Variants in LPA observed in about 807,000 individuals in gnomAD.
The protein encoded by LPA is apolipoprotein(a).
Under a neutral mutation model 197.9 loss-of-function variants are expected in LPA, and 199 were observed. That is an observed-to-expected ratio of 1.01 (90% confidence interval 0.90 to 1.13). The LOEUF (loss-of-function observed/expected upper bound fraction) is 1.13. Among genes scored for constraint, LPA ranks in the 50% most tolerant of loss-of-function variants. The pLI, the probability that LPA is intolerant of heterozygous loss-of-function variation, is 0.00. For missense variants in LPA, 1,853 were observed against 1,785.8 expected (o/e 1.04, Z -0.68); for synonymous variants, 715 against 639.5 (o/e 1.12, Z -1.78).
At position 160,542,728 on chromosome 6, in the gene LPA, G is replaced by A. The variant is rs1446383504; in HGVS notation, c.5479C>T (p.His1827Tyr). 8.1e-6 allele frequency: 13 copies of A among 1,613,890 alleles called. No homozygotes were observed. Among genetic ancestry groups the A allele is most frequent in the Non-Finnish European group, 1.1e-5 (13 of 1,179,962 alleles). The change falls in exon 34 of 39, where the codon CAC becomes TAC. Residue 1827 changes from histidine (H) to tyrosine (Y), a missense_variant. His to Tyr is a moderately conservative substitution (Grantham distance 83). Coordinates refer to ENST00000316300, the MANE Select transcript of LPA (RefSeq NM_005577.4). Reference protein sequence around the residue: ...PGSIVGGCVAHPHSWPWQVSL... With the variant: ...PGSIVGGCVAYPHSWPWQVSL... ...ACTTGCCAGGGCCAGGAATGTGGGTGGGCCACACACCCCCCTACAATGCTT... is the reference window on the plus strand; with the variant it reads ...ACTTGCCAGGGCCAGGAATGTGGGTAGGCCACACACCCCCCTACAATGCTT...
chr6:160,555,261 T>C (rs1465683431), intron 30 of LPA, among the ~76,000 whole-genome samples: 2 of 128,172 alleles, frequency 1.6e-5, no homozygotes, highest in Non-Finnish European at 3.2e-5. Context: ...TATATTATAT[T>C]ATATTATATT....
In LPA at chr6:160,611,661, C is replaced by G. The variant is rs757992874; in HGVS notation, c.2504G>C (p.Arg835Pro). The change falls in exon 16 of 39, where the codon CGA becomes CCA. Residue 835 changes from arginine to proline, a missense_variant. Arg to Pro is a moderately radical substitution (Grantham distance 103, BLOSUM62 -2). Around this residue, in one of 3 missense-constraint regions of LPA, gnomAD observed 1,737 missense variants for 1,504.4 expected, o/e 1.15. Coordinates refer to ENST00000316300, the MANE Select transcript of LPA (RefSeq NM_005577.4). ...ECYHGNGQSY[R>P]GTYSTTVTGR... ...AGTGACAGTGGTGGAGTATGTGCCTCGATAACTCTGTCCATTACCGTGGTA... is the reference window on the plus strand; with the variant it reads ...AGTGACAGTGGTGGAGTATGTGCCTGGATAACTCTGTCCATTACCGTGGTA... 5.1e-6 allele frequency: 8 copies of G among 1,563,106 alleles called. No homozygotes were observed. The highest frequency in any genetic ancestry group is 4.5e-5 in the East Asian group (2 of 44,296).
chr6:160,599,918 C>T (rs922703400), intron 19 of LPA, among the ~76,000 whole-genome samples: 6 of 152,168 alleles, frequency 3.9e-5, no homozygotes, highest in Non-Finnish European at 7.3e-5. Flanking sequence ...TGCTTCTCAT[C>T]GGAAACTCCA....
intron 28 of LPA, among the ~76,000 whole-genome samples, chr6:160,575,518 C>T (rs991138628): frequency 6.6e-6 from 1 of 152,148 alleles, no homozygotes; most frequent in African/African-American, 2.4e-5. Context: ...TTCTGATGGG[C>T]AACTAATTTA....
chr6:160,654,239 C>T (rs572670511), intron 1 of LPA, among the ~76,000 whole-genome samples: 1 of 145,874 alleles, frequency 6.9e-6, no homozygotes, highest in Non-Finnish European at 1.5e-5. Context: ...ACTTGGAGTC[C>T]GATGTTCAAG....
chr6:160,595,644 T>C (rs1779118511), intron 20 of LPA, 109 bp from the exon 21 acceptor site: 1 of 1,519,296 alleles, frequency 6.6e-7, no homozygotes, highest in Non-Finnish European at 9.0e-7. Context: ...CTTTGAAATA[T>C]TTTCACTAAA....
intron 20 of LPA, among the ~76,000 whole-genome samples, chr6:160,598,223 T>C (rs1779170013): frequency 6.6e-6 from 1 of 152,234 alleles, no homozygotes. Context: ...TTTTGCCATA[T>C]TTTCTTGTGG....
chr6:160,560,876 A>G (rs1417900786), intron 28 of LPA, among the ~76,000 whole-genome samples: 1 of 151,884 alleles, frequency 6.6e-6, no homozygotes, highest in Non-Finnish European at 1.5e-5. Flanking sequence ...CCTGAATGGT[A>G]TTGCCTATGT....
At chr6:160,551,976 T>C (rs1778174070) in intron 30 of LPA, among the ~76,000 whole-genome samples, 1 of 150,946 alleles carries the variant, frequency 6.6e-6, no homozygotes, top group African/African-American at 2.4e-5. Context: ...TGCAGAGGCA[T>C]GATCAATGCT....
chr6:160,581,617 G>A (rs1046216288), intron 26 of LPA, among the ~76,000 whole-genome samples: 6 of 152,106 alleles, frequency 3.9e-5, no homozygotes, highest in African/African-American at 1.4e-4. Context: ...CTTGATTACT[G>A]TGTCTTTATG....
chr6:160,542,454 A>T (rs41265942), intron 34 of LPA, among the ~76,000 whole-genome samples: 3,303 of 152,324 alleles, frequency 0.022, 113 homozygotes, highest in African/African-American at 0.075. Context: ...CACTGTGCCT[A>T]CAGATTTTGA....
Position 160,541,138 on chromosome 6 carries a change from A to T in LPA, c.5563T>A (p.Trp1855Arg). 6.2e-7 allele frequency: 1 copy of T among 1,614,138 alleles called. No homozygotes were observed. The highest frequency in any genetic ancestry group is 8.5e-7 in the Non-Finnish European group (1 of 1,180,008). ...FCGGTLISPE[W>R]VLTAAHCLKK... ...AAGCAGTGAGCAGCAGTCAGCACCCACTCTGGGGATATTAAGGTGCCTCCA... is the reference window on the plus strand; with the variant it reads ...AAGCAGTGAGCAGCAGTCAGCACCCTCTCTGGGGATATTAAGGTGCCTCCA... The change falls in exon 35 of 39, where the codon TGG becomes AGG. Residue 1855 changes from tryptophan to arginine, a missense_variant. Around this residue, in one of 3 missense-constraint regions of LPA, gnomAD observed 1,737 missense variants for 1,504.4 expected, o/e 1.15. Transcript: ENST00000316300.
At chr6:160,553,565 C>G (rs563106917) in intron 30 of LPA, among the ~76,000 whole-genome samples, 2 of 152,240 alleles carry the variant, frequency 1.3e-5, no homozygotes, top group African/African-American at 2.4e-5. Context: ...GAGAAGGCAT[C>G]GGTCACTTTC....
At chr6:160,646,751 G>A (rs559354525) in intron 2 of LPA, among the ~76,000 whole-genome samples, 3 of 144,004 alleles carry the variant, frequency 2.1e-5, no homozygotes, top group Non-Finnish European at 4.5e-5. Context: ...TTTGACGTCT[G>A]TATTGTGGGA....
At chr6:160,661,574 C>T (rs1249215632) in intron 1 of LPA, among the ~76,000 whole-genome samples, 1 of 152,156 alleles carries the variant, frequency 6.6e-6, no homozygotes, top group Non-Finnish European at 1.5e-5. Flanking sequence ...AAGTCCTTGG[C>T]CACAGTCCAC....
At chr6:160,600,348 G>A (rs1321897896) in intron 19 of LPA, among the ~76,000 whole-genome samples, 2 of 152,050 alleles carry the variant, frequency 1.3e-5, no homozygotes, top group African/African-American at 4.8e-5. Flanking sequence ...AAAAGCACAC[G>A]AAAAAATCAC....
chr6:160,561,076 A>AT (rs1469782158), intron 28 of LPA, among the ~76,000 whole-genome samples: 1 of 151,828 alleles, frequency 6.6e-6, no homozygotes, highest in Non-Finnish European at 1.5e-5. Context: ...CACCCAGCTA[A>AT]TTTTTTGTAT....
intron 20 of LPA, 131 bp downstream of exon 20, chr6:160,599,369 T>A: frequency 7.2e-7 from 1 of 1,393,572 alleles, no homozygotes. Context: ...CTCTAAGAAC[T>A]TTTGCTCACA....
chr6:160,600,877 C>A, intron 19 of LPA, 40 bp downstream of exon 19: 1 of 1,607,336 alleles, frequency 6.2e-7, no homozygotes. Flanking sequence ...GCTTTTCATC[C>A]CAGCATCCAA....
Sources: allele counts gnomAD v4.1 joint callset (sites outside exome capture counted in the v4.1 genomes callset), GRCh38; gene constraint gnomAD v4.1.1; regional missense constraint gnomAD v4.1.1; transcripts MANE v1.5; gene names NCBI Gene and HGNC (gene_info 2026-07-23, HGNC 2026-07-21).